Variants in NCKAP5 observed in about 807,000 individuals in gnomAD.
NCKAP5 encodes NCK associated protein 5.
Under a neutral mutation model 167.0 loss-of-function variants are expected in NCKAP5, and 92 were observed. The ratio of observed to expected loss-of-function variants is 0.55; its 90% CI spans 0.47 to 0.66. The LOEUF (loss-of-function observed/expected upper bound fraction) is 0.66. Ranked by LOEUF, NCKAP5 falls within the 30% of genes least tolerant of loss-of-function variation. NCKAP5 has a pLI of 0.00. For synonymous variants in NCKAP5, 891 were observed against 877.4 expected, an observed-to-expected ratio of 1.02 and a Z score of -0.27; for missense variants, 2,378 against 2,315.0, an observed-to-expected ratio of 1.03 and a Z score of -0.56.
chr2:133,659,567 A>C, the NCKAP5 span, among the ~76,000 whole-genome samples: 3 of 152,236 alleles, frequency 2.0e-5, 1 homozygote, highest in Admixed American at 1.3e-4. Flanking sequence ...GACAAGCTAT[A>C]GAATGGGAGA....
intron 11 of NCKAP5, among the ~76,000 whole-genome samples, chr2:132,835,152 T>C (rs1252472197): frequency 1.3e-5 from 2 of 152,352 alleles, no homozygotes; most frequent in East Asian, 3.9e-4. Context: ...CTTGCATCCC[T>C]GGTATAAAAC....
intron 5 of NCKAP5, among the ~76,000 whole-genome samples, chr2:133,190,516 A>C (rs2085166167): frequency 6.6e-6 from 1 of 152,208 alleles, no homozygotes; most frequent in Admixed American, 6.5e-5. Context: ...CCAACTTCAA[A>C]CTATACTACA....
chr2:132,850,414 T>C (rs1256575138), intron 11 of NCKAP5, among the ~76,000 whole-genome samples: 1 of 151,994 alleles, frequency 6.6e-6, no homozygotes, highest in Non-Finnish European at 1.5e-5. Flanking sequence ...GGGCAGTGGG[T>C]AATTTAAGGC....
chr2:133,013,817 T>C (rs188599629), intron 6 of NCKAP5, among the ~76,000 whole-genome samples: 4 of 152,302 alleles, frequency 2.6e-5, no homozygotes, highest in African/African-American at 9.6e-5. Context: ...CCTTCTGTGT[T>C]GGAAGTGTCT....
chr2:133,027,193 G>A (rs543732881), intron 6 of NCKAP5, among the ~76,000 whole-genome samples: 6 of 152,236 alleles, frequency 3.9e-5, no homozygotes, highest in African/African-American at 9.6e-5. Context: ...CATGACAAGC[G>A]TCAAGGTCTG....
chr2:133,200,564 T>G (rs1218406581), intron 5 of NCKAP5, among the ~76,000 whole-genome samples: 2 of 152,156 alleles, frequency 1.3e-5, no homozygotes, highest in African/African-American at 4.8e-5. Context: ...AGTTAAAGCC[T>G]TCTTAGAGAT....
chr2:132,913,574 C>A (rs756124547), intron 8 of NCKAP5, among the ~76,000 whole-genome samples: 47 of 152,040 alleles, frequency 3.1e-4, no homozygotes, highest in South Asian at 8.3e-4. Context: ...ACTTATAAAT[C>A]AATTTTTTCC....
intron 4 of NCKAP5, among the ~76,000 whole-genome samples, chr2:133,297,857 C>A (rs1680077269): frequency 6.6e-6 from 1 of 152,146 alleles, no homozygotes; most frequent in African/African-American, 2.4e-5. Context: ...CACTCCATGA[C>A]AATGGTAGCA....
chr2:133,354,612 G>A (rs1262174465), intron 3 of NCKAP5, among the ~76,000 whole-genome samples: 2 of 152,162 alleles, frequency 1.3e-5, no homozygotes, highest in Non-Finnish European at 2.9e-5. Flanking sequence ...ACTTATTAAC[G>A]ATAGAAGCAA....
intron 3 of NCKAP5, among the ~76,000 whole-genome samples, chr2:133,394,824 G>A (rs1347180154): frequency 1.3e-5 from 2 of 152,286 alleles, no homozygotes; most frequent in Non-Finnish European, 2.9e-5. Context: ...GTTGCAGGAA[G>A]ATATAATCAA....
intron 5 of NCKAP5, among the ~76,000 whole-genome samples, chr2:133,200,895 T>C (rs937419315): frequency 6.6e-6 from 1 of 152,120 alleles, no homozygotes; most frequent in Non-Finnish European, 1.5e-5. Flanking sequence ...GCTATAGTTG[T>C]CCCCGCTTAT....
intron 4 of NCKAP5, among the ~76,000 whole-genome samples, chr2:133,245,193 C>T (rs1169194334): frequency 1.3e-5 from 2 of 152,074 alleles, no homozygotes; most frequent in African/African-American, 4.8e-5. Flanking sequence ...CAGCACATTA[C>T]ACAGAAGACC....
intron 6 of NCKAP5, among the ~76,000 whole-genome samples, chr2:133,022,565 C>T (rs1014290628): frequency 4.6e-5 from 7 of 152,122 alleles, no homozygotes; most frequent in African/African-American, 1.7e-4. Context: ...AGGTCTGACT[C>T]ATCACAGAGA....
At chr2:133,296,629 A>G (rs541063508) in intron 4 of NCKAP5, among the ~76,000 whole-genome samples, 3 of 152,340 alleles carry the variant, frequency 2.0e-5, no homozygotes, top group Admixed American at 6.5e-5. Flanking sequence ...TATAAATGCA[A>G]TATAATATTC....
intron 8 of NCKAP5, among the ~76,000 whole-genome samples, chr2:132,916,687 A>G (rs1174110806): frequency 2.0e-5 from 3 of 152,102 alleles, no homozygotes; most frequent in Non-Finnish European, 2.9e-5. Flanking sequence ...CTTAGGACCA[A>G]AAGTACAGCT....
intron 4 of NCKAP5, 41 bp from the exon 5 acceptor site, chr2:133,213,820 G>C (rs764023068): frequency 1.2e-6 from 2 of 1,600,312 alleles, no homozygotes; most frequent in Non-Finnish European, 8.6e-7. Context: ...CCATTCTCAG[G>C]GTAGAGGTGA....
At chr2:133,444,412 A>G (rs917776639) in intron 3 of NCKAP5, among the ~76,000 whole-genome samples, 2 of 151,676 alleles carry the variant, frequency 1.3e-5, no homozygotes, top group African/African-American at 2.4e-5. Flanking sequence ...AGATAGATAT[A>G]GATATAGATG....
intron 3 of NCKAP5, among the ~76,000 whole-genome samples, chr2:133,448,870 G>A (rs1277122141): frequency 6.6e-6 from 1 of 152,028 alleles, no homozygotes; most frequent in Non-Finnish European, 1.5e-5. Flanking sequence ...AAACTCCTGG[G>A]CTCCAGCGAG....
chr2:133,323,417 G>A (rs1488718809), intron 3 of NCKAP5, among the ~76,000 whole-genome samples: 1 of 152,144 alleles, frequency 6.6e-6, no homozygotes, highest in African/African-American at 2.4e-5. Context: ...CAGCATCTCA[G>A]GGTTTTCCTC....
Sources: gnomAD v4.1 joint callset for allele counts (sites outside exome capture counted in the v4.1 genomes callset) on GRCh38, gnomAD v4.1.1 for gene constraint, MANE v1.5 for transcripts, NCBI Gene and HGNC (gene_info 2026-07-23, HGNC 2026-07-21) for gene names.